Variants in CACNA2D2 observed in about 807,000 individuals in gnomAD.
The protein encoded by CACNA2D2 is voltage-dependent calcium channel subunit alpha-2/delta-2.
A neutral mutation model predicts 166.4 loss-of-function variants in CACNA2D2; 48 were observed. That is an observed-to-expected ratio of 0.29 (90% confidence interval 0.23 to 0.37). The LOEUF is 0.37. CACNA2D2 is among the 10% of genes least tolerant of loss of function. The pLI is 1.00. For missense variants in CACNA2D2, 1,122 were observed against 1,433.0 expected (o/e 0.78, Z 3.50); for synonymous variants, 561 against 573.7 (o/e 0.98, Z 0.32).
chr3:50,498,979 G>A (rs1005783269), intron 1 of CACNA2D2, among the ~76,000 whole-genome samples: 4 of 152,182 alleles, frequency 2.6e-5, no homozygotes, highest in Non-Finnish European at 4.4e-5. Context: ...ACATGACCAC[G>A]GGCTCTGAGG....
chr3:50,492,081 G>A (rs555381425), intron 1 of CACNA2D2, among the ~76,000 whole-genome samples: 2 of 152,178 alleles, frequency 1.3e-5, no homozygotes, highest in Non-Finnish European at 2.9e-5. Flanking sequence ...CCCACTATAG[G>A]CAAGTACACC....
intron 1 of CACNA2D2, among the ~76,000 whole-genome samples, chr3:50,502,928 C>T (rs574494252): frequency 6.6e-6 from 1 of 151,062 alleles, no homozygotes; most frequent in South Asian, 2.1e-4. Context: ...AGCTGACAAG[C>T]TCGGACCGCC....
At chr3:50,434,577 G>T in intron 2 of CACNA2D2, 148 bp from the exon 3 acceptor site, 1 of 656,404 alleles carries the variant, frequency 1.5e-6, no homozygotes, top group Non-Finnish European at 2.7e-6. Context: ...GGGCATGGAA[G>T]GCCAGCGCCC....
chr3:50,447,870 C>A (rs1377120195), intron 2 of CACNA2D2, among the ~76,000 whole-genome samples: 1 of 152,156 alleles, frequency 6.6e-6, no homozygotes, highest in Non-Finnish European at 1.5e-5. Flanking sequence ...GAATGCCACA[C>A]CCTGACTGGA....
chr3:50,483,258 C>T (rs1698131074), intron 1 of CACNA2D2, among the ~76,000 whole-genome samples: 2 of 152,168 alleles, frequency 1.3e-5, no homozygotes, highest in South Asian at 4.1e-4. Context: ...CCATCTCACC[C>T]ACTCATTGCA....
At chr3:50,419,731 A>G (rs937421646) in intron 3 of CACNA2D2, 1 of 152,200 alleles carries the variant, frequency 6.6e-6, no homozygotes, top group Non-Finnish European at 1.5e-5. Flanking sequence ...GCCGTTTCCC[A>G]TATCTGGCAG....
In CACNA2D2 at chr3:50,473,768, T is replaced by C. The variant is rs1300664710; in HGVS notation, c.288+2350A>G. The stretch of plus-strand genomic sequence containing the variant: ...CAGGGTTGCCCTCTTCCTCTAGAAC[T>C]CTACACCTCAACCCCCAACCCCCAC... On this transcript the variant is annotated intron_variant, in intron 2 of 37. Coordinates refer to ENST00000424201, the MANE Select transcript of CACNA2D2 (RefSeq NM_006030.4). Among the ~76,000 whole-genome samples the C allele has an allele frequency of 2.0e-5, 3 of 152,140 alleles. 1 individual carries two copies. The highest frequency in any genetic ancestry group is 6.3e-3 in the Middle Eastern group (2 of 316).
At chr3:50,473,258 T>C (rs1397679403) in intron 2 of CACNA2D2, among the ~76,000 whole-genome samples, 1 of 152,160 alleles carries the variant, frequency 6.6e-6, no homozygotes, top group Admixed American at 6.5e-5. Flanking sequence ...ATGGGGGTTA[T>C]GGTGAGGTCA....
intron 2 of CACNA2D2, among the ~76,000 whole-genome samples, chr3:50,441,875 G>A (rs1006020358): frequency 6.6e-6 from 1 of 152,210 alleles, no homozygotes; most frequent in Non-Finnish European, 1.5e-5. Context: ...GCAGAATCCA[G>A]CTCGGAAGTG....
intron 22 of CACNA2D2, among the ~76,000 whole-genome samples, chr3:50,372,244 TTCC>T (rs1704689567): frequency 6.6e-6 from 1 of 152,230 alleles, no homozygotes; most frequent in African/African-American, 2.4e-5. Context: ...CCAGCCTGAT[TTCC>T]TCCAAACACC....
chr3:50,457,154 G>C (rs2106987003), intron 2 of CACNA2D2, among the ~76,000 whole-genome samples: 1 of 152,302 alleles, frequency 6.6e-6, no homozygotes, highest in South Asian at 2.1e-4. Context: ...GGAGGCAGAG[G>C]CATGAAAATT....
In CACNA2D2 at chr3:50,482,582, A is replaced by T. The variant is rs149316967; in HGVS notation, c.207-6383T>A. 3.0e-3 allele frequency among the ~76,000 whole-genome samples: 462 copies of T among 152,260 alleles called. 1 individual carries two copies. Among genetic ancestry groups the T allele is most frequent in the African/African-American group, 0.01 (424 of 41,534 alleles). ...GCTAGCAGTGACGGCTGCCCCACAC[A>T]CTCATGGCACACAGGTCCATCCAGA... On this transcript the variant is annotated intron_variant, in intron 1 of 37. Transcript: ENST00000424201.
Position 50,431,922 on chromosome 3 carries a change from T to C in CACNA2D2, c.405+2391A>G, listed in dbSNP as rs1452310367. On this transcript the variant is annotated intron_variant, in intron 3 of 37. Transcript: ENST00000424201. ...ATCACTTGAACTCAGGAGATGGAGGTTGCACTGAGCCAATACTGCACCACT... is the reference window on the plus strand; with the variant it reads ...ATCACTTGAACTCAGGAGATGGAGGCTGCACTGAGCCAATACTGCACCACT... Among the ~76,000 whole-genome samples, 3 of 144,162 alleles carry C rather than the reference T, an allele frequency of 2.1e-5. No individual in the cohort carries two copies. In the East Asian group the frequency reaches 6.0e-4, roughly 29 times the overall value. The allele number at this position is 144,162 out of a possible 152,430, so 94.6% of individuals were successfully genotyped here.
chr3:50,427,307 G>A lies in CACNA2D2; in HGVS notation c.405+7006C>T, dbSNP rs946587911. 2.6e-5 allele frequency among the ~76,000 whole-genome samples: 4 copies of A among 152,210 alleles called. No homozygotes were observed. The highest frequency in any genetic ancestry group is 2.1e-4 in the South Asian group (1 of 4,834). ...GGCCCCAAGGGTGCCCACACAATGG[G>A]TGTCCAACAGATTCCCAATCCCCAA... is the stretch of plus-strand genomic sequence containing the variant. On this transcript the variant is annotated intron_variant, in intron 3 of 37. Transcript: ENST00000424201. The surrounding 1 kb of genome is among the most constrained non-coding windows in gnomAD (Gnocchi z 4.7).
intron 2 of CACNA2D2, among the ~76,000 whole-genome samples, chr3:50,456,249 G>C (rs910602290): frequency 6.6e-6 from 1 of 152,310 alleles, no homozygotes; most frequent in Non-Finnish European, 1.5e-5. Context: ...CTTTTAATTA[G>C]CACCTAGCCT....
chr3:50,431,999 A>AAAG (rs1708090239), intron 3 of CACNA2D2, among the ~76,000 whole-genome samples: 1 of 151,030 alleles, frequency 6.6e-6, no homozygotes, highest in African/African-American at 2.4e-5. Flanking sequence ...AAAAAAAAAA[A>AAAG]ACAAAGAAAG....
rs1192795369 is a variant in CACNA2D2 at position 50,403,925 on chromosome 3, C to A, written c.406-9757G>T. Among the ~76,000 whole-genome samples, 5 of 152,220 alleles carry A rather than the reference C, an allele frequency of 3.3e-5. No homozygotes were observed. In the East Asian group the frequency reaches 9.6e-4, roughly 29 times the overall value. ...CCCACAATTGCCCTGGGGTTTCCAT[C>A]ACTGCATGTGCCTGATTCCCTCCCA... On this transcript the variant is annotated intron_variant, in intron 3 of 37. Transcript: ENST00000424201.
At chr3:50,465,957 C>G (rs1259725500) in intron 2 of CACNA2D2, among the ~76,000 whole-genome samples, 1 of 152,168 alleles carries the variant, frequency 6.6e-6, no homozygotes, top group Non-Finnish European at 1.5e-5. Context: ...AGGATGCCCC[C>G]ACTCCCCAGG....
intron 2 of CACNA2D2, among the ~76,000 whole-genome samples, chr3:50,442,337 C>T (rs562184253): frequency 2.6e-5 from 4 of 152,216 alleles, no homozygotes; most frequent in Non-Finnish European, 4.4e-5. Context: ...AAGCCATCCA[C>T]GATGTATCTC....
Sources: allele counts gnomAD v4.1 joint callset (sites outside exome capture counted in the v4.1 genomes callset), GRCh38; gene constraint gnomAD v4.1.1; non-coding constraint Gnocchi (gnomAD v3.1); transcripts MANE v1.5; gene names NCBI Gene and HGNC (gene_info 2026-07-23, HGNC 2026-07-21).